TECTA: variants seen among roughly 807,000 people sequenced by gnomAD.
TECTA encodes the protein alpha-tectorin.
In TECTA, 128 loss-of-function variants were observed where a neutral mutation model predicts 216.8. The observed-to-expected ratio is 0.59, with a 90% CI of 0.51 to 0.68. TECTA has a LOEUF of 0.68. Ranked by LOEUF, TECTA falls within the 30% of genes least tolerant of loss-of-function variation. The pLI is 0.00. For synonymous variants in TECTA, 1,089 were observed against 1,117.1 expected (o/e 0.97, Z 0.50); for missense variants, 2,551 against 2,786.2 (o/e 0.92, Z 1.90).
At position 121,113,342 on chromosome 11, in the gene TECTA, A is replaced by G. The variant is rs1285654438; in HGVS notation, c.624+133A>G. 1.3e-6 allele frequency: 2 copies of G among 1,526,234 alleles called. No homozygotes were observed. Among genetic ancestry groups the G allele is most frequent in the Non-Finnish European group, 1.8e-6 (2 of 1,114,142 alleles). 94.5% of individuals were successfully genotyped at this position (1,526,234 alleles called of 1,614,324 possible). A position where few individuals can be genotyped will look rare whatever the true frequency, so the allele number is the denominator to read the frequency against. ...GCAGGTCTGATCTCGCAGGTGGACT[A>G]CGAGGCTAGTCCTGCCCATGTTTGG... On this transcript the variant is annotated intron_variant, in intron 5 of 23. Transcript: ENST00000392793. The surrounding 1 kb of genome is among the most constrained non-coding windows in gnomAD (Gnocchi z 4.2).
intron 20 of TECTA, among the ~76,000 whole-genome samples, chr11:121,172,149 G>T (rs377389881): frequency 1.3e-5 from 2 of 152,052 alleles, no homozygotes; most frequent in East Asian, 3.9e-4. Flanking sequence ...CATCTATTCA[G>T]ATAATCATAT....
intron 6 of TECTA, 49 bp from the exon 7 acceptor site, chr11:121,118,257 A>G: frequency 4.3e-6 from 7 of 1,609,442 alleles, no homozygotes; most frequent in Non-Finnish European, 4.2e-6. Flanking sequence ...TGCCTGGCAC[A>G]GAGGGGAAAT....
intron 10 of TECTA, among the ~76,000 whole-genome samples, chr11:121,135,556 TGTA>T (rs993508899): frequency 5.1e-4 from 77 of 152,220 alleles, no homozygotes; most frequent in Non-Finnish European, 2.2e-4. Flanking sequence ...CGTGTGGTAT[TGTA>T]GTCAATGGGA....
At position 121,121,225 on chromosome 11, in the gene TECTA, G is replaced by A. The variant is rs371583793; in HGVS notation, c.1203+2507G>A. 2.0e-4 allele frequency among the ~76,000 whole-genome samples: 31 copies of A among 152,336 alleles called. No individual in the cohort carries two copies. In the East Asian group the frequency reaches 4.6e-3, roughly 23 times the overall value. The stretch of plus-strand genomic sequence containing the variant: ...TGTCCAGTACAAAGCCTGGCACACA[G>A]TAGGTGCTCGGTGCATGCTGGCTCC... On this transcript the variant is annotated intron_variant, in intron 7 of 23. Transcript: ENST00000392793.
intron 13 of TECTA, among the ~76,000 whole-genome samples, chr11:121,157,570 C>T (rs535800642): frequency 2.9e-4 from 44 of 152,244 alleles, no homozygotes; most frequent in African/African-American, 1.0e-3. Context: ...GCACTCCAGC[C>T]TCGGCAACAG....
chr11:121,150,600 A>C (rs1347150093), intron 12 of TECTA, among the ~76,000 whole-genome samples: 1 of 152,092 alleles, frequency 6.6e-6, no homozygotes, highest in Non-Finnish European at 1.5e-5. Context: ...GCAAATGATA[A>C]ATATTTTGTA....
chr11:121,183,928 C>A (rs929953629), intron 20 of TECTA, among the ~76,000 whole-genome samples: 1 of 152,114 alleles, frequency 6.6e-6, no homozygotes, highest in Non-Finnish European at 1.5e-5. Flanking sequence ...GCTGGGACTA[C>A]AGGCACACAC....
chr11:121,175,011 T>C (rs1051594754), intron 20 of TECTA, among the ~76,000 whole-genome samples: 14 of 152,332 alleles, frequency 9.2e-5, no homozygotes, highest in African/African-American at 3.1e-4. Context: ...GATGGTAGTT[T>C]GTATTTCTGT....
Position 121,165,278 on chromosome 11 carries a change from G to C in TECTA, c.5278G>C (p.Val1760Leu). 6.2e-7 allele frequency: 1 copy of C among 1,601,982 alleles called. No individual in the cohort carries two copies. Among genetic ancestry groups the C allele is most frequent in the Non-Finnish European group, 8.5e-7 (1 of 1,174,128 alleles). Reference sequence around the variant, plus strand: ...CTGTGTGTTTTTCTTTTTAGCAGGAGTGGTTGAAGATCCCTGTGTGGGGGC... The same window carrying C: ...CTGTGTGTTTTTCTTTTTAGCAGGACTGGTTGAAGATCCCTGTGTGGGGGC... The part of the protein sequence containing the change: ...EWIEKENCSG[V>L]VEDPCVGADC... Residue 1760 changes from valine to leucine, a missense_variant, in exon 17 of 24, where the codon GTG (valine) becomes CTG (leucine). Physicochemically the swap from Val to Leu is conservative, Grantham distance 32. Coordinates refer to ENST00000392793, the MANE Select transcript of TECTA (RefSeq NM_005422.4).
chr11:121,174,153 T>C (rs1591466814), intron 20 of TECTA, among the ~76,000 whole-genome samples: 2 of 152,162 alleles, frequency 1.3e-5, no homozygotes, highest in Non-Finnish European at 1.5e-5. Flanking sequence ...CAATTTGTCT[T>C]CCTCTTTTCC....
chr11:121,144,203 G>C (rs1359243309), intron 11 of TECTA, among the ~76,000 whole-genome samples: 3 of 152,192 alleles, frequency 2.0e-5, no homozygotes, highest in African/African-American at 4.8e-5. Context: ...CCAGCTCCTA[G>C]AGAGCCCAGG....
At chr11:121,108,309 G>A (rs1946408521) in intron 3 of TECTA, among the ~76,000 whole-genome samples, 1 of 146,458 alleles carries the variant, frequency 6.8e-6, no homozygotes, top group Non-Finnish European at 1.5e-5. Flanking sequence ...ACCACTCCCA[G>A]TACACACACA....
At chr11:121,164,732 C>A (rs1364666305) in intron 16 of TECTA, among the ~76,000 whole-genome samples, 2 of 152,010 alleles carry the variant, frequency 1.3e-5, no homozygotes, top group Non-Finnish European at 2.9e-5. Context: ...GACCAAGAAT[C>A]GGAAAGGACT....
chr11:121,168,425 T>C (rs1221134468), intron 19 of TECTA: 1 of 831,838 alleles, frequency 1.2e-6, no homozygotes, highest in East Asian at 2.7e-5. Flanking sequence ...ATGTGGTGGC[T>C]ACATGTGGCT....
At chr11:121,170,316 G>A (rs1947098120) in intron 20 of TECTA, among the ~76,000 whole-genome samples, 1 of 152,170 alleles carries the variant, frequency 6.6e-6, no homozygotes, top group South Asian at 2.1e-4. Context: ...AATAAACATG[G>A]AAGTGTAGGT....
chr11:121,113,073 T>C lies in TECTA; in HGVS notation c.488T>C (p.Val163Ala), dbSNP rs763823084. ...TFYGGSSTTP[V>A]NTFQAVLVSD... ...AGACTGCGCATTCCCATCCTGTAGG[T>C]GAACACCTTCCAGGCCGTCCTAGTG... The change falls in exon 5 of 24, where the codon GTG (valine) becomes GCG (alanine). Residue 163 changes from valine to alanine, a missense_variant and splice_region_variant. Transcript: ENST00000392793. The surrounding 1 kb of genome is among the most constrained non-coding windows in gnomAD (Gnocchi z 4.2). 6.2e-7 allele frequency: 1 copy of C among 1,614,064 alleles called. No homozygotes were observed. Among genetic ancestry groups the C allele is most frequent in the South Asian group, 1.1e-5 (1 of 91,082 alleles).
At chr11:121,118,789 C>A (rs1946526971) in intron 7 of TECTA, 71 bp downstream of exon 7, 1 of 1,569,406 alleles carries the variant, frequency 6.4e-7, no homozygotes, top group Admixed American at 1.7e-5. Flanking sequence ...AAGACTTCCC[C>A]AGATCTACTG....
intron 20 of TECTA, among the ~76,000 whole-genome samples, chr11:121,178,338 T>G (rs1947190392): frequency 6.6e-6 from 1 of 152,238 alleles, no homozygotes; most frequent in Admixed American, 6.5e-5. Flanking sequence ...ACCGTTCTAT[T>G]GTTCATTCTT....
At chr11:121,146,691 G>T (rs1386701825) in intron 12 of TECTA, among the ~76,000 whole-genome samples, 3 of 152,128 alleles carry the variant, frequency 2.0e-5, no homozygotes, top group Non-Finnish European at 4.4e-5. Context: ...CTGGTTCTCA[G>T]TTTCCCCTTC....
Sources: gnomAD v4.1 joint callset for allele counts (sites outside exome capture counted in the v4.1 genomes callset) on GRCh38, gnomAD v4.1.1 for gene constraint, Gnocchi (gnomAD v3.1) non-coding constraint, MANE v1.5 for transcripts, NCBI Gene and HGNC (gene_info 2026-07-23, HGNC 2026-07-21) for gene names.